The following DENND6A variants were observed in gnomAD, a reference collection of about 807,000 sequenced individuals.
DENND6A encodes protein DENND6A.
A neutral mutation model predicts 95.5 loss-of-function variants in DENND6A; 43 were observed. The ratio of observed to expected loss-of-function variants is 0.45; its 90% CI spans 0.35 to 0.58. The LOEUF is 0.58. Ranked by LOEUF, DENND6A falls within the 20% of genes least tolerant of loss-of-function variation. The pLI, the probability that DENND6A is intolerant of heterozygous loss-of-function variation, is 0.00. For missense variants in DENND6A, 574 were observed against 736.0 expected (o/e 0.78, Z 2.55); for synonymous variants, 257 against 260.4 (o/e 0.99, Z 0.13).
At chr3:57,679,667 G>T in intron 1 of DENND6A, 1 of 598,724 alleles carries the variant, frequency 1.7e-6, no homozygotes, top group Non-Finnish European at 2.1e-6. Context: ...TAACATGAGG[G>T]TGTACCTTCC....
At chr3:57,662,773 A>G (rs958381880) in intron 5 of DENND6A, among the ~76,000 whole-genome samples, 2 of 152,066 alleles carry the variant, frequency 1.3e-5, no homozygotes, top group Non-Finnish European at 2.9e-5. Context: ...AATAGAGGTT[A>G]AACATATAGA....
intron 11 of DENND6A, 69 bp downstream of exon 11, chr3:57,645,592 C>T: frequency 8.4e-7 from 1 of 1,193,474 alleles, no homozygotes; most frequent in East Asian, 2.4e-5. Flanking sequence ...GCTTTTATTA[C>T]CAAAAATAAT....
At chr3:57,632,026 T>G (rs1457440751) in intron 15 of DENND6A, among the ~76,000 whole-genome samples, 1 of 126,314 alleles carries the variant, frequency 7.9e-6, no homozygotes, top group Non-Finnish European at 1.7e-5. Context: ...CCGGCCTTTT[T>G]TTTTTTTTTT....
At chr3:57,650,378 AAAT>A (rs1409657312) in intron 9 of DENND6A, among the ~76,000 whole-genome samples, 1 of 151,802 alleles carries the variant, frequency 6.6e-6, no homozygotes, top group Non-Finnish European at 1.5e-5. Flanking sequence ...AGTTAATAAA[AAAT>A]AATTTAATAT....
chr3:57,682,684 T>C (rs1478113564), intron 1 of DENND6A, among the ~76,000 whole-genome samples: 1 of 152,014 alleles, frequency 6.6e-6, no homozygotes, highest in Non-Finnish European at 1.5e-5. Flanking sequence ...TTTTGTTTTG[T>C]TTTGTTTTTG....
chr3:57,630,680 G>T lies in DENND6A; in HGVS notation c.1517+35C>A. On this transcript the variant is annotated intron_variant, in intron 17 of 19. Transcript: ENST00000311128. ...TTTGTTTTGCTTTTAAATAAAGCACGACACATGGGTGTAAAACAGGGAAAA... is the reference window on the plus strand; with the variant it reads ...TTTGTTTTGCTTTTAAATAAAGCACTACACATGGGTGTAAAACAGGGAAAA... 3 of 1,581,818 alleles carry T rather than the reference G, an allele frequency of 1.9e-6. No homozygotes were observed. In the South Asian group the frequency reaches 3.5e-5, roughly 19 times the overall value.
intron 12 of DENND6A, among the ~76,000 whole-genome samples, chr3:57,641,447 G>A (rs1408406047): frequency 6.7e-6 from 1 of 148,656 alleles, no homozygotes; most frequent in Non-Finnish European, 1.5e-5. Flanking sequence ...AACACTATAA[G>A]TATATTTTTT....
At chr3:57,647,185 G>T (rs1364044695) in intron 9 of DENND6A, among the ~76,000 whole-genome samples, 1 of 152,042 alleles carries the variant, frequency 6.6e-6, no homozygotes, top group East Asian at 1.9e-4. Flanking sequence ...AAAAAGAAAA[G>T]AAAAATCAAA....
intron 4 of DENND6A, chr3:57,665,921 T>C: frequency 2.2e-6 from 1 of 460,568 alleles, no homozygotes; most frequent in Admixed American, 3.9e-5. Context: ...AGTGACATTA[T>C]GTTTCAAACA....
intron 10 of DENND6A, 102 bp from the exon 11 acceptor site, chr3:57,645,858 A>T: frequency 2.7e-6 from 2 of 738,574 alleles, no homozygotes; most frequent in Non-Finnish European, 2.2e-6. Context: ...ACAAAGGGAT[A>T]CTTTGTTTAT....
rs2071517986 is a variant in DENND6A at position 57,665,862 on chromosome 3, C to T, written c.432+261G>A. ...CACATCTAATTCAAGAATTTATTAA[C>T]AAATGAAAGAAAATTACCTCAACAT... On this transcript the variant is annotated intron_variant, in intron 4 of 19. Transcript: ENST00000311128. 4 of 326,100 alleles carry T rather than the reference C, an allele frequency of 1.2e-5. No homozygotes were observed. The South Asian group carries it at 1.6e-4, about 13-fold the overall frequency. 20.2% of individuals were successfully genotyped at this position (326,100 alleles called of 1,614,324 possible).
chr3:57,664,946 C>A (rs139785647), intron 4 of DENND6A, among the ~76,000 whole-genome samples: 2 of 152,298 alleles, frequency 1.3e-5, no homozygotes, highest in East Asian at 3.9e-4. Flanking sequence ...ATGGAGGCAG[C>A]TGTTTTTGAA....
intron 9 of DENND6A, among the ~76,000 whole-genome samples, chr3:57,653,422 CA>C (rs2071250805): frequency 6.6e-6 from 1 of 151,900 alleles, no homozygotes; most frequent in African/African-American, 2.4e-5. Context: ...TTTTAATATT[CA>C]GGAAAGGAAA....
At chr3:57,646,279 A>G in intron 10 of DENND6A, 37 bp downstream of exon 10, 1 of 1,579,572 alleles carries the variant, frequency 6.3e-7, no homozygotes, top group Non-Finnish European at 8.6e-7. Flanking sequence ...GCAGCATCCA[A>G]AAAAAAAACC....
intron 8 of DENND6A, among the ~76,000 whole-genome samples, chr3:57,658,002 C>T (rs2071359204): frequency 6.6e-6 from 1 of 152,058 alleles, no homozygotes; most frequent in South Asian, 2.1e-4. Context: ...TTTGGTAGGA[C>T]AAGGCGGGCG....
chr3:57,679,273 C>A (rs901173595), intron 1 of DENND6A, among the ~76,000 whole-genome samples: 2 of 152,206 alleles, frequency 1.3e-5, no homozygotes, highest in African/African-American at 4.8e-5. Flanking sequence ...ATCTTTCTAG[C>A]TTTTAGGAAA....
At chr3:57,659,037 A>G (rs922008799) in intron 8 of DENND6A, 81 bp downstream of exon 8, 7 of 1,314,796 alleles carry the variant, frequency 5.3e-6, no homozygotes, top group Non-Finnish European at 6.5e-6. Flanking sequence ...TAAACTCAAG[A>G]AACTCTGCAT....
chr3:57,649,332 A>G (rs967361807), intron 9 of DENND6A, among the ~76,000 whole-genome samples: 2 of 152,212 alleles, frequency 1.3e-5, no homozygotes, highest in African/African-American at 4.8e-5. Context: ...AAGAATAGCC[A>G]TAATCAAAAA....
intron 1 of DENND6A, among the ~76,000 whole-genome samples, chr3:57,687,147 C>A (rs2077218341): frequency 6.6e-6 from 1 of 152,124 alleles, no homozygotes; most frequent in Non-Finnish European, 1.5e-5. Flanking sequence ...GCCTGAGACA[C>A]CACACCCAGC....
Sources: gnomAD v4.1 joint callset for allele counts (sites outside exome capture counted in the v4.1 genomes callset) on GRCh38, gnomAD v4.1.1 for gene constraint, MANE v1.5 for transcripts, NCBI Gene and HGNC (gene_info 2026-07-23, HGNC 2026-07-21) for gene names.